The following NUP54 variants were observed in gnomAD, a reference collection of about 807,000 sequenced individuals.
NUP54 encodes nucleoporin 54.
NUP54 carries 27 observed loss-of-function variants against 66.4 expected under a neutral mutation model. That is an observed-to-expected ratio of 0.41 (90% CI 0.30 to 0.56). NUP54 has a LOEUF of 0.56. Ranked by LOEUF, NUP54 falls within the 20% of genes least tolerant of loss-of-function variation. The pLI is 0.34. For synonymous variants in NUP54, 206 were observed against 210.7 expected (o/e 0.98, Z 0.19); for missense variants, 486 against 596.3 (o/e 0.82, Z 1.93).
At chr4:76,143,148 A>AAAAC (rs937179837) in intron 3 of NUP54, among the ~76,000 whole-genome samples, 5 of 152,198 alleles carry the variant, frequency 3.3e-5, no homozygotes, top group Admixed American at 2.0e-4. Context: ...AACAAACAAC[A>AAAAC]AAACAACAAA....
rs1170435501 is a variant in NUP54 at position 76,125,649 on chromosome 4, G to GGA, written c.1057-895_1057-894dup. ...GGGAGAGGGGGAGAGGGGGAGAGGG[G>GGA]GAGAGGGAGAGAGGGGGAGAGAGGG... On this transcript the variant is annotated intron_variant, in intron 8 of 11. Transcript: ENST00000264883. Among the ~76,000 whole-genome samples the GGA allele has an allele frequency of 7.3e-3, 200 of 27,418 alleles. 22 individuals carry two copies. The highest frequency in any genetic ancestry group is 0.015 in the East Asian group (2 of 136). 18.0% of individuals were successfully genotyped at this position (27,418 alleles called of 152,430 possible). A position where few individuals can be genotyped will look rare whatever the true frequency, so the allele number is the denominator to read the frequency against.
intron 3 of NUP54, among the ~76,000 whole-genome samples, chr4:76,140,776 C>T (rs1731236693): frequency 6.6e-6 from 1 of 152,200 alleles, no homozygotes; most frequent in African/African-American, 2.4e-5. Context: ...GTATTATCCC[C>T]TCTTCCATAA....
chr4:76,136,150 ATCT>A (rs758814571), intron 4 of NUP54, 33 bp downstream of exon 4: 2 of 1,430,806 alleles, frequency 1.4e-6, no homozygotes, highest in East Asian at 4.6e-5. Flanking sequence ...GTTATACAAA[ATCT>A]TCAACTGAAG....
At chr4:76,125,679 A>G (rs1309546106) in intron 8 of NUP54, among the ~76,000 whole-genome samples, 2 of 21,354 alleles carry the variant, frequency 9.4e-5, no homozygotes, top group African/African-American at 4.6e-4. Flanking sequence ...AGAGGGAGAG[A>G]GGGAGAGGGA....
At chr4:76,130,534 C>T in intron 8 of NUP54, 122 bp downstream of exon 8, 3 of 613,434 alleles carry the variant, frequency 4.9e-6, no homozygotes, top group Non-Finnish European at 5.8e-6. Context: ...TATTAAATTG[C>T]AGTGTATGCT....
intron 11 of NUP54, among the ~76,000 whole-genome samples, chr4:76,117,206 C>T (rs1319217394): frequency 2.0e-5 from 3 of 152,124 alleles, no homozygotes; most frequent in African/African-American, 7.2e-5. Context: ...TTTCATGAAG[C>T]ATAACTTCTT....
intron 8 of NUP54, among the ~76,000 whole-genome samples, chr4:76,125,479 T>TA (rs983095792): frequency 3.3e-5 from 5 of 149,410 alleles, no homozygotes; most frequent in African/African-American, 4.9e-5. Context: ...ACAAAAAATA[T>TA]AAAAAATTAA....
At chr4:76,125,605 A>G (rs1363712599) in intron 8 of NUP54, among the ~76,000 whole-genome samples, 1 of 116,082 alleles carries the variant, frequency 8.6e-6, no homozygotes, top group African/African-American at 3.4e-5. Flanking sequence ...ACTGCACTCC[A>G]GCATGGGCAA....
chr4:76,135,703 C>T (rs539887471), intron 4 of NUP54, among the ~76,000 whole-genome samples: 20 of 152,312 alleles, frequency 1.3e-4, no homozygotes, highest in African/African-American at 3.4e-4. Flanking sequence ...AATACTCTCA[C>T]TGGCTGATAA....
chr4:76,125,936 ATAAT>A (rs59255703), intron 8 of NUP54, among the ~76,000 whole-genome samples: 19,577 of 151,302 alleles, frequency 0.13, 1,492 homozygotes, highest in East Asian at 0.34. Flanking sequence ...TACTTCAGAA[ATAAT>A]TAAGGAATCT....
intron 4 of NUP54, among the ~76,000 whole-genome samples, chr4:76,135,437 G>A (rs547917577): frequency 2.0e-5 from 3 of 152,252 alleles, no homozygotes; most frequent in African/African-American, 7.2e-5. Context: ...CTAAATACAT[G>A]TATCAAAATT....
At chr4:76,140,285 G>GTTTT (rs35963995) in intron 3 of NUP54, among the ~76,000 whole-genome samples, 1 of 130,186 alleles carries the variant, frequency 7.7e-6, no homozygotes, top group Non-Finnish European at 1.6e-5. Flanking sequence ...TTTCTCTTTG[G>GTTTT]TTTTTTTTTT....
At position 76,144,472 on chromosome 4, in the gene NUP54, ACC is replaced by A. The variant is rs1731402002; in HGVS notation, c.68-1_68del. The stretch of plus-strand genomic sequence containing the variant: ...ATGTTGTCCCAAATCCTCCAAACCC[ACC>A]TAATTAAAAAAGAACAAAAATAGAA... On this transcript the variant is annotated splice_acceptor_variant and coding_sequence_variant, in exon 2 of 12. Transcript: ENST00000264883. LOFTEE classifies it high-confidence loss of function. 6.3e-7 allele frequency: 1 copy of A among 1,581,290 alleles called. No individual in the cohort carries two copies. Among genetic ancestry groups the A allele is most frequent in the Admixed American group, 2.0e-5 (1 of 51,006 alleles).
At chr4:76,134,514 TAGG>T (rs1578685487) in intron 4 of NUP54, 152 bp from the exon 5 acceptor site, 1 of 655,920 alleles carries the variant, frequency 1.5e-6, no homozygotes, top group Admixed American at 3.2e-5. Context: ...TTTTGTGCCC[TAGG>T]AGGTCACAAA....
chr4:76,144,250 G>A lies in NUP54; in HGVS notation c.194C>T (p.Thr65Ile), dbSNP rs753218049. Reference protein sequence around the residue: ...GTQNKGFGFGTGFGTTTGTST... With the variant: ...GTQNKGFGFGIGFGTTTGTST... ...AGTTCCCGTTGTTGTGCCAAAACCA[G>A]TACCAAATCCAAAACCTTTGTTCTG... The change falls in exon 3 of 12, where the codon ACT becomes ATT. Residue 65 changes from threonine (T) to isoleucine (I), a missense_variant. Around this residue, in one of 4 missense-constraint regions of NUP54, gnomAD observed 145 missense variants for 137.1 expected, o/e 1.06. Coordinates refer to ENST00000264883, the MANE Select transcript of NUP54 (RefSeq NM_017426.4). 1.2e-6 allele frequency: 2 copies of A among 1,613,684 alleles called. No individual in the cohort carries two copies. The highest frequency in any genetic ancestry group is 1.7e-6 in the Non-Finnish European group (2 of 1,179,928).
chr4:76,127,600 G>T (rs890966791), intron 8 of NUP54, among the ~76,000 whole-genome samples: 4 of 151,898 alleles, frequency 2.6e-5, no homozygotes, highest in Non-Finnish European at 5.9e-5. Flanking sequence ...AGACTTTGGG[G>T]TGAAAAATTA....
intron 2 of NUP54, 25 bp from the exon 3 acceptor site, chr4:76,144,317 G>A (rs768665977): frequency 5.2e-6 from 8 of 1,550,142 alleles, no homozygotes; most frequent in Admixed American, 4.1e-5. Flanking sequence ...TTGGAACTTC[G>A]TAAGTTAAAA....
At chr4:76,120,424 T>C (rs955197376) in intron 9 of NUP54, among the ~76,000 whole-genome samples, 14 of 63,076 alleles carry the variant, frequency 2.2e-4, no homozygotes, top group African/African-American at 1.2e-3. Flanking sequence ...GGGATCTCTT[T>C]TTTTTTTTTT....
chr4:76,134,655 T>C (rs540776646), intron 4 of NUP54, among the ~76,000 whole-genome samples: 2 of 152,272 alleles, frequency 1.3e-5, no homozygotes, highest in African/African-American at 4.8e-5. Flanking sequence ...TATTGTTGGT[T>C]GTTTCTGAAC....
Sources: allele counts gnomAD v4.1 joint callset (sites outside exome capture counted in the v4.1 genomes callset), GRCh38; gene constraint gnomAD v4.1.1; regional missense constraint gnomAD v4.1.1; transcripts MANE v1.5; gene names NCBI Gene and HGNC (gene_info 2026-07-23, HGNC 2026-07-21).